LAMA3: variants seen among roughly 807,000 people sequenced by gnomAD.
LAMA3 encodes the protein laminin subunit alpha-3.
LAMA3 carries 281 observed loss-of-function variants against 402.0 expected under a neutral mutation model. The observed-to-expected ratio is 0.70, with a 90% CI of 0.63 to 0.77. The LOEUF is 0.77. LAMA3 is among the 30% of genes least tolerant of loss of function. The probability of loss-of-function intolerance (pLI) is 0.00; values close to 1 mark genes in which losing one functional copy is unlikely to be tolerated. For missense variants in LAMA3, 3,840 were observed against 4,215.5 expected, an observed-to-expected ratio of 0.91 and a Z score of 2.47; for synonymous variants, 1,431 against 1,558.4, an observed-to-expected ratio of 0.92 and a Z score of 1.93.
intron 8 of LAMA3, among the ~76,000 whole-genome samples, chr18:23,769,398 T>C (rs1598753022): frequency 6.6e-6 from 1 of 152,322 alleles, no homozygotes; most frequent in East Asian, 1.9e-4. Context: ...ACAAAATTTA[T>C]GACATTGTCT....
intron 36 of LAMA3, among the ~76,000 whole-genome samples, chr18:23,867,255 G>A (rs569512273): frequency 1.3e-5 from 2 of 152,122 alleles, no homozygotes; most frequent in Non-Finnish European, 2.9e-5. Context: ...GCAAGGCATA[G>A]TTTAAAAAAT....
intron 74 of LAMA3, among the ~76,000 whole-genome samples, chr18:23,953,784 T>C (rs1443363458): frequency 2.0e-5 from 3 of 152,198 alleles, no homozygotes; most frequent in Non-Finnish European, 2.9e-5. Context: ...TATTAAGCTT[T>C]TGGGGACCGG....
intron 51 of LAMA3, 46 bp downstream of exon 51, chr18:23,904,740 G>A (rs1275610477): frequency 6.9e-6 from 11 of 1,598,140 alleles, no homozygotes; most frequent in Non-Finnish European, 9.4e-6. Flanking sequence ...TGTGGAGATG[G>A]CTGATTTTTA....
intron 12 of LAMA3, 68 bp from the exon 13 acceptor site, chr18:23,810,298 G>T: frequency 6.3e-7 from 1 of 1,586,318 alleles, no homozygotes; most frequent in South Asian, 1.1e-5. Flanking sequence ...GCTCTGCTCC[G>T]GGACGTGGTT....
intron 1 of LAMA3, chr18:23,710,006 T>A: frequency 1.3e-6 from 1 of 748,950 alleles, no homozygotes; most frequent in African/African-American, 1.7e-5. Context: ...CGAACACAAG[T>A]GTGTTGCTGT....
intron 32 of LAMA3, among the ~76,000 whole-genome samples, chr18:23,851,272 C>T (rs1026556720): frequency 7.2e-5 from 11 of 152,218 alleles, no homozygotes; most frequent in Non-Finnish European, 1.6e-4. Flanking sequence ...CTCACCTGCA[C>T]GACCTCTGTC....
chr18:23,784,089 G>A lies in LAMA3; in HGVS notation c.1535G>A (p.Arg512His), dbSNP rs759176445. 19 of 1,613,940 alleles carry A rather than the reference G, an allele frequency of 1.2e-5. No homozygotes were observed. The highest frequency in any genetic ancestry group is 1.1e-5 in the Non-Finnish European group (13 of 1,180,010). Reference sequence around the variant, plus strand: ...GATGCCCACGGACGGTGCCTGTGCCGCCCTGGGGTTGAGGGCCCTCGATGT... The same window carrying A: ...GATGCCCACGGACGGTGCCTGTGCCACCCTGGGGTTGAGGGCCCTCGATGT... Reference protein sequence around the residue: ...ICDAHGRCLCRPGVEGPRCDT... With the variant: ...ICDAHGRCLCHPGVEGPRCDT... Residue 512 changes from arginine to histidine, a missense_variant, in exon 12 of 75, where the codon CGC (arginine) becomes CAC (histidine). Physicochemically the swap from Arg to His is conservative, Grantham distance 29. This residue lies in a region of LAMA3 where 2,109 missense variants were observed against 2,376.0 expected (regional missense o/e 0.89). Transcript: ENST00000313654.
At chr18:23,770,915 A>G (rs1598756613) in intron 8 of LAMA3, among the ~76,000 whole-genome samples, 1 of 152,218 alleles carries the variant, frequency 6.6e-6, no homozygotes, top group East Asian at 1.9e-4. Context: ...AAAGGCTGAC[A>G]ACATCAAATT....
At chr18:23,777,878 A>G (rs758489950) in intron 11 of LAMA3, among the ~76,000 whole-genome samples, 12 of 152,204 alleles carry the variant, frequency 7.9e-5, no homozygotes, top group Non-Finnish European at 1.5e-4. Context: ...AAGACCTTCA[A>G]TGGCAGCCAG....
chr18:23,795,996 T>A, intron 12 of LAMA3: 1 of 311,948 alleles, frequency 3.2e-6, no homozygotes, highest in Non-Finnish European at 6.4e-6. Context: ...GCTCGTTCAC[T>A]CTCTCTCTCT....
At chr18:23,904,528 G>A in intron 50 of LAMA3, 25 bp from the exon 51 acceptor site, 2 of 1,574,104 alleles carry the variant, frequency 1.3e-6, no homozygotes, top group Admixed American at 1.9e-5. Context: ...GCTGTGGGGA[G>A]TGGCTAACCT....
Position 23,928,713 on chromosome 18 carries a change from T to C in LAMA3, c.8384T>C (p.Phe2795Ser). ...CCTACTGACCACCTCCAGGCCTCAT[T>C]TGGATTTCAGACCTTTCAACCCAGT... is the stretch of plus-strand genomic sequence containing the variant. ...LPPTDHLQASFGFQTFQPSGI... is the reference protein window; with the variant it reads ...LPPTDHLQASSGFQTFQPSGI... Residue 2795 changes from phenylalanine to serine, a missense_variant, in exon 64 of 75, where the codon TTT becomes TCT. Physicochemically the swap from Phe to Ser is radical, Grantham distance 155. Coordinates refer to ENST00000313654, the MANE Select transcript of LAMA3 (RefSeq NM_198129.4). 2.5e-6 allele frequency: 4 copies of C among 1,614,036 alleles called. No individual in the cohort carries two copies. The highest frequency in any genetic ancestry group is 3.4e-6 in the Non-Finnish European group (4 of 1,179,882).
chr18:23,787,614 G>A (rs887853349), intron 12 of LAMA3, among the ~76,000 whole-genome samples: 1 of 152,192 alleles, frequency 6.6e-6, no homozygotes, highest in African/African-American at 2.4e-5. Context: ...ACACCAGTTA[G>A]AATAACAACT....
At chr18:23,727,839 C>A (rs1415133457) in intron 2 of LAMA3, among the ~76,000 whole-genome samples, 1 of 152,140 alleles carries the variant, frequency 6.6e-6, no homozygotes, top group Non-Finnish European at 1.5e-5. Flanking sequence ...AAGTGATCCT[C>A]CTGCTTCAAC....
chr18:23,910,680 A>G (rs932396599), intron 55 of LAMA3, among the ~76,000 whole-genome samples: 2 of 152,234 alleles, frequency 1.3e-5, no homozygotes, highest in Non-Finnish European at 2.9e-5. Flanking sequence ...GTTCATTGCA[A>G]CATAGTTTAT....
intron 12 of LAMA3, among the ~76,000 whole-genome samples, chr18:23,798,680 T>C (rs111787978): frequency 3.3e-5 from 5 of 152,340 alleles, no homozygotes; most frequent in African/African-American, 1.2e-4. Flanking sequence ...AACATTGAGG[T>C]GATTGGTCAG....
rs1598887862 is a variant in LAMA3 at position 23,836,112 on chromosome 18, C to T, written c.2985-869C>T. 1.0e-4 allele frequency among the ~76,000 whole-genome samples: 5 copies of T among 49,576 alleles called. No individual in the cohort carries two copies. In the South Asian group the frequency reaches 1.8e-3, roughly 18 times the overall value. 32.5% of individuals were successfully genotyped at this position (49,576 alleles called of 152,430 possible). ...AAGAATGTGTTTTAATGGATACACACACACACACACACACACACACACACA... is the reference window on the plus strand; with the variant it reads ...AAGAATGTGTTTTAATGGATACACATACACACACACACACACACACACACA... On this transcript the variant is annotated intron_variant, in intron 24 of 74. Coordinates refer to ENST00000313654, the MANE Select transcript of LAMA3 (RefSeq NM_198129.4).
intron 2 of LAMA3, among the ~76,000 whole-genome samples, chr18:23,725,006 CCT>C (rs936041219): frequency 9.9e-5 from 15 of 152,242 alleles, no homozygotes; most frequent in African/African-American, 3.4e-4. Context: ...CTGTGATTCC[CCT>C]CTCTCTCTTT....
intron 2 of LAMA3, among the ~76,000 whole-genome samples, chr18:23,728,991 G>A (rs1055328405): frequency 2.8e-5 from 4 of 141,114 alleles, no homozygotes; most frequent in African/African-American, 2.7e-5. Context: ...AGATCGTACC[G>A]CTGTACTCCA....
Sources: allele counts gnomAD v4.1 joint callset (sites outside exome capture counted in the v4.1 genomes callset), GRCh38; gene constraint gnomAD v4.1.1; regional missense constraint gnomAD v4.1.1; transcripts MANE v1.5; gene names NCBI Gene and HGNC (gene_info 2026-07-23, HGNC 2026-07-21).